Variants in FRMD5 observed in about 807,000 individuals in gnomAD.
FRMD5 encodes FERM domain containing 5.
Under a neutral mutation model 69.0 loss-of-function variants are expected in FRMD5, and 20 were observed. That is an observed-to-expected ratio of 0.29 (90% CI 0.20 to 0.42). The LOEUF (loss-of-function observed/expected upper bound fraction) is 0.42, where lower values mean the gene tolerates loss of function less well. FRMD5 is among the 10% of genes least tolerant of loss of function. The pLI, the probability that FRMD5 is intolerant of heterozygous loss-of-function variation, is 1.00. For synonymous variants in FRMD5, 271 were observed against 260.1 expected, an observed-to-expected ratio of 1.04 and a Z score of -0.40; for missense variants, 595 against 708.6, an observed-to-expected ratio of 0.84 and a Z score of 1.82.
At chr15:43,916,903 C>A (rs971810638) in intron 4 of FRMD5, among the ~76,000 whole-genome samples, 1 of 151,810 alleles carries the variant, frequency 6.6e-6, no homozygotes, top group East Asian at 1.9e-4. Context: ...CTCAGCCTCC[C>A]GAGAAGCAGG....
At chr15:44,115,894 G>T (rs942979057) in intron 1 of FRMD5, among the ~76,000 whole-genome samples, 9 of 152,182 alleles carry the variant, frequency 5.9e-5, no homozygotes, top group African/African-American at 2.2e-4. Flanking sequence ...CAATCATCAG[G>T]ATAAGAAAGC....
chr15:43,886,429 A>G (rs2088665220), intron 10 of FRMD5, among the ~76,000 whole-genome samples: 1 of 152,138 alleles, frequency 6.6e-6, no homozygotes, highest in Non-Finnish European at 1.5e-5. Context: ...TCTATTTTAT[A>G]TCTCGTTTGA....
intron 7 of FRMD5, among the ~76,000 whole-genome samples, chr15:43,899,942 G>A (rs1325972380): frequency 1.3e-5 from 2 of 152,058 alleles, no homozygotes; most frequent in South Asian, 2.1e-4. Flanking sequence ...TGTAGTGCTC[G>A]GGCTCACTGT....
intron 1 of FRMD5, among the ~76,000 whole-genome samples, chr15:44,029,358 G>A (rs1353357012): frequency 1.3e-5 from 2 of 152,034 alleles, no homozygotes; most frequent in African/African-American, 2.4e-5. Flanking sequence ...AGCTGTGCAG[G>A]ATTTCGACCT....
chr15:43,949,753 G>T (rs2089997967), intron 1 of FRMD5, among the ~76,000 whole-genome samples: 1 of 152,174 alleles, frequency 6.6e-6, no homozygotes, highest in South Asian at 2.1e-4. Flanking sequence ...CATTAATCAT[G>T]CATTAGGAGT....
intron 2 of FRMD5, among the ~76,000 whole-genome samples, chr15:43,920,147 G>A (rs1205346217): frequency 6.6e-6 from 1 of 152,238 alleles, no homozygotes; most frequent in East Asian, 1.9e-4. Flanking sequence ...CGGGGACAGA[G>A]CCCCACCTGG....
At chr15:44,131,999 G>C (rs1228603176) in intron 1 of FRMD5, among the ~76,000 whole-genome samples, 1 of 152,120 alleles carries the variant, frequency 6.6e-6, no homozygotes, top group Non-Finnish European at 1.5e-5. Flanking sequence ...ATATGTAGAA[G>C]CAGTAGGAGC....
chr15:43,902,262 A>C lies in FRMD5; in HGVS notation c.552T>G (p.Ser184Arg). The stretch of plus-strand genomic sequence containing the variant: ...GCTCTGATGTTGCTGGTGTTTGACC[A>C]CTGGAATAAAGAAGATGAGATGATT... ...KIAEIHKTEL[S>R]GQTPATSELN... is the part of the protein sequence containing the mutation. The change falls in exon 7 of 14, where the codon AGT becomes AGG. Residue 184 changes from serine to arginine, a missense_variant and splice_region_variant. By Grantham distance (110) the Ser-to-Arg change is moderately radical. Coordinates refer to ENST00000417257, the MANE Select transcript of FRMD5 (RefSeq NM_032892.5). 6.2e-7 allele frequency: 1 copy of C among 1,612,682 alleles called. No individual in the cohort carries two copies. Among genetic ancestry groups the C allele is most frequent in the Non-Finnish European group, 8.5e-7 (1 of 1,178,670 alleles).
At chr15:44,042,400 A>C (rs1892237920) in intron 1 of FRMD5, among the ~76,000 whole-genome samples, 1 of 152,196 alleles carries the variant, frequency 6.6e-6, no homozygotes, top group Middle Eastern at 3.2e-3. Flanking sequence ...ACAATAGAAA[A>C]AGAGGAAATC....
rs1327122698 is a variant in FRMD5, at chr15:43,871,813, ATC to A, written c.*2070_*2071del. ...TGATCTTGCCCATTTGGCATCAGAC[ATC>A]TCTTTGCTGGTTAGTTGTTCAAGCA... On this transcript the variant is annotated 3_prime_UTR_variant, in exon 14 of 14. Coordinates refer to ENST00000417257, the MANE Select transcript of FRMD5 (RefSeq NM_032892.5). The A allele has an allele frequency of 6.6e-6, 1 of 152,222 alleles. No homozygotes were observed. Among genetic ancestry groups the A allele is most frequent in the Non-Finnish European group, 1.5e-5 (1 of 68,040 alleles). The allele number at this position is 152,222 out of a possible 1,614,324, so 9.4% of individuals were successfully genotyped here.
At chr15:43,890,776 G>A (rs892224987) in intron 8 of FRMD5, among the ~76,000 whole-genome samples, 12 of 152,152 alleles carry the variant, frequency 7.9e-5, no homozygotes, top group Admixed American at 2.0e-4. Context: ...CTGGGGAGTC[G>A]AGTTTCCTGT....
At chr15:44,010,784 G>T (rs774738573) in intron 1 of FRMD5, among the ~76,000 whole-genome samples, 2 of 152,046 alleles carry the variant, frequency 1.3e-5, no homozygotes, top group Non-Finnish European at 2.9e-5. Flanking sequence ...AAACAAACAT[G>T]AATACAACAG....
intron 1 of FRMD5, among the ~76,000 whole-genome samples, chr15:44,112,710 C>T (rs1173392277): frequency 6.6e-6 from 1 of 152,064 alleles, no homozygotes; most frequent in Non-Finnish European, 1.5e-5. Flanking sequence ...CCTCATGATC[C>T]ACCCACCTCG....
chr15:43,905,135 CTT>C (rs746667752), intron 6 of FRMD5, among the ~76,000 whole-genome samples: 7 of 137,254 alleles, frequency 5.1e-5, no homozygotes, highest in Non-Finnish European at 4.7e-5. Flanking sequence ...TCAACCTCTC[CTT>C]TTTTTTTTTT....
intron 1 of FRMD5, chr15:44,101,482 C>T (rs1329536737): frequency 6.6e-6 from 1 of 152,600 alleles, no homozygotes; most frequent in African/African-American, 2.4e-5. Context: ...TTGCTAATTC[C>T]CTTGGGTGCC....
intron 1 of FRMD5, among the ~76,000 whole-genome samples, chr15:44,055,457 A>C (rs894644994): frequency 1.3e-5 from 2 of 152,238 alleles, no homozygotes; most frequent in Non-Finnish European, 2.9e-5. Flanking sequence ...CTCAGCTACT[A>C]AGAGGATCTC....
chr15:43,935,572 C>T (rs986460558), intron 1 of FRMD5, among the ~76,000 whole-genome samples: 2 of 152,074 alleles, frequency 1.3e-5, no homozygotes, highest in Non-Finnish European at 2.9e-5. Context: ...ATGACCAGGT[C>T]CCCAGAGCAT....
intron 1 of FRMD5, among the ~76,000 whole-genome samples, chr15:44,008,089 ATTTTTT>A (rs35785368): frequency 3.2e-5 from 2 of 62,806 alleles, no homozygotes; most frequent in African/African-American, 1.1e-4. Context: ...ACAATCGGCA[ATTTTTT>A]TTTTTTTTTT....
chr15:43,972,040 AT>A (rs894720350), intron 1 of FRMD5, among the ~76,000 whole-genome samples: 1 of 140,440 alleles, frequency 7.1e-6, no homozygotes, highest in African/African-American at 2.5e-5. Flanking sequence ...TATTAAAAAA[AT>A]ATATATTTTT....
Sources: allele counts gnomAD v4.1 joint callset (sites outside exome capture counted in the v4.1 genomes callset), GRCh38; gene constraint gnomAD v4.1.1; transcripts MANE v1.5; gene names NCBI Gene and HGNC (gene_info 2026-07-23, HGNC 2026-07-21).